ZNF169: variants seen among roughly 807,000 people sequenced by gnomAD.
The protein encoded by ZNF169 is zinc finger protein 169.
A neutral mutation model predicts 12.0 loss-of-function variants in ZNF169; 11 were observed. The observed-to-expected ratio is 0.92, with a 90% CI of 0.58 to 1.52. The LOEUF is 1.52. Ranked by LOEUF, ZNF169 falls within the 40% of genes most tolerant of loss-of-function variation. The pLI, the probability that ZNF169 is intolerant of heterozygous loss-of-function variation, is 0.00. For missense variants in ZNF169, 722 were observed against 744.0 expected, an observed-to-expected ratio of 0.97 and a Z score of 0.34; for synonymous variants, 302 against 286.5, an observed-to-expected ratio of 1.05 and a Z score of -0.55.
At chr9:94,291,927 C>G (rs963901391) in intron 2 of ZNF169, among the ~76,000 whole-genome samples, 1 of 152,146 alleles carries the variant, frequency 6.6e-6, no homozygotes, top group African/African-American at 2.4e-5. Context: ...TAATGGGAAT[C>G]CTATCAAAAT....
At chr9:94,266,503 A>G (rs1830296518) in intron 1 of ZNF169, among the ~76,000 whole-genome samples, 1 of 152,232 alleles carries the variant, frequency 6.6e-6, no homozygotes, top group African/African-American at 2.4e-5. Context: ...GTAGTGTGCA[A>G]CAGCAACACA....
intron 4 of ZNF169, among the ~76,000 whole-genome samples, chr9:94,298,113 G>T (rs182208274): frequency 6.6e-6 from 1 of 151,560 alleles, no homozygotes; most frequent in South Asian, 2.1e-4. Context: ...GTTGCAGTGG[G>T]CTGAGATAGT....
chr9:94,262,650 G>A (rs1425659792), intron 1 of ZNF169, among the ~76,000 whole-genome samples: 1 of 151,942 alleles, frequency 6.6e-6, no homozygotes, highest in East Asian at 1.9e-4. Context: ...TAATAGAGAC[G>A]GGGTTTTACC....
intron 1 of ZNF169, among the ~76,000 whole-genome samples, chr9:94,277,943 GAAA>G (rs1389356323): frequency 1.8e-5 from 2 of 114,090 alleles, no homozygotes; most frequent in Admixed American, 8.3e-5. Context: ...AAAAAAAAAA[GAAA>G]AAAGAAAAAT....
At chr9:94,288,470 T>C in intron 2 of ZNF169, 1 of 938,336 alleles carries the variant, frequency 1.1e-6, no homozygotes, top group Non-Finnish European at 1.7e-6. Context: ...AAATCAAGCT[T>C]TATTAAGCCA....
At chr9:94,295,537 A>G (rs551798266) in intron 4 of ZNF169, 5 of 152,266 alleles carry the variant, frequency 3.3e-5, no homozygotes, top group African/African-American at 1.2e-4. Context: ...CTTTCGCCTT[A>G]CTGTAATCCT....
chr9:94,299,475 A>G (rs1204205371), intron 4 of ZNF169: 3 of 1,193,360 alleles, frequency 2.5e-6, no homozygotes, highest in Non-Finnish European at 3.2e-6. Flanking sequence ...TGGCTCTTGC[A>G]TAAACAGCAG....
chr9:94,300,901 A>G lies in ZNF169; in HGVS notation c.1343A>G (p.His448Arg), dbSNP rs756369905. 3 of 1,613,912 alleles carry G rather than the reference A, an allele frequency of 1.9e-6. No individual in the cohort carries two copies. The highest frequency in any genetic ancestry group is 2.5e-6 in the Non-Finnish European group (3 of 1,179,952). The change falls in exon 5 of 5, where the codon CAC (histidine) becomes CGC (arginine). Residue 448 changes from histidine (H) to arginine (R), a missense_variant. By Grantham distance (29) the His-to-Arg change is conservative. Coordinates refer to ENST00000395395, the MANE Select transcript of ZNF169 (RefSeq NM_194320.4). ...GFSQKVTLIG[H>R]QRTHTGEKPY... ...AGCCAGAAGGTCACCCTCATTGGAC[A>G]CCAGAGGACACACACAGGGGAGAAG... is the stretch of plus-strand genomic sequence containing the variant.
chr9:94,268,807 CAA>C (rs1354401211), intron 1 of ZNF169, among the ~76,000 whole-genome samples: 3 of 139,528 alleles, frequency 2.2e-5, no homozygotes, highest in African/African-American at 8.3e-5. Flanking sequence ...AAAAAATTTC[CAA>C]AGACATTTCT....
chr9:94,293,787 G>T (rs12347725), intron 4 of ZNF169: 11,346 of 152,460 alleles, frequency 0.074, 580 homozygotes, highest in Middle Eastern at 0.13. Context: ...TCATAACTTT[G>T]TTTCTTTTAT....
chr9:94,292,900 T>A, intron 3 of ZNF169, 74 bp from the exon 4 acceptor site: 1 of 1,314,310 alleles, frequency 7.6e-7, no homozygotes, highest in Non-Finnish European at 1.1e-6. Context: ...CATTCCTGGG[T>A]TGGCTCTGAG....
chr9:94,301,364 C>A lies in ZNF169; in HGVS notation c.1806C>A (p.Val602=). ...GTCATCAGCTCCTACCCCAAGAGGTCTTCTGACCTTTCCTTTCCCCGTGAG... is the reference window on the plus strand; with the variant it reads ...GTCATCAGCTCCTACCCCAAGAGGTATTCTGACCTTTCCTTTCCCCGTGAG... The part of the protein sequence containing the change: ...KSGHQLLPQE[V]F The change falls in exon 5 of 5, where the codon GTC becomes GTA. Residue 602 remains valine, a synonymous_variant. Coordinates refer to ENST00000395395, the MANE Select transcript of ZNF169 (RefSeq NM_194320.4). The A allele has an allele frequency of 6.2e-7, 1 of 1,602,146 alleles. No homozygotes were observed. The highest frequency in any genetic ancestry group is 1.1e-5 in the South Asian group (1 of 90,414).
At chr9:94,295,708 T>C (rs1830936319) in intron 4 of ZNF169, 2 of 152,252 alleles carry the variant, frequency 1.3e-5, no homozygotes, top group South Asian at 4.1e-4. Flanking sequence ...TTATCTATAA[T>C]GTGTGTATCA....
chr9:94,281,587 A>T (rs1830632312), intron 2 of ZNF169, among the ~76,000 whole-genome samples: 1 of 152,230 alleles, frequency 6.6e-6, no homozygotes, highest in African/African-American at 2.4e-5. Context: ...ATGAGTGACC[A>T]TGGCCCATGA....
chr9:94,295,604 A>G (rs568185241), intron 4 of ZNF169: 1 of 152,306 alleles, frequency 6.6e-6, no homozygotes, highest in South Asian at 2.1e-4. Flanking sequence ...TCAGCTTTCT[A>G]TAATTATAGA....
At chr9:94,287,346 A>G (rs1830735390) in intron 2 of ZNF169, among the ~76,000 whole-genome samples, 2 of 149,216 alleles carry the variant, frequency 1.3e-5, no homozygotes, top group African/African-American at 2.4e-5. Flanking sequence ...GAAGGTTGCT[A>G]TACTGCAAAA....
chr9:94,264,007 G>A (rs1209539691), intron 1 of ZNF169, among the ~76,000 whole-genome samples: 1 of 151,990 alleles, frequency 6.6e-6, no homozygotes, highest in African/African-American at 2.4e-5. Context: ...TGTAAAATGA[G>A]GGCTCTTGTA....
intron 4 of ZNF169, among the ~76,000 whole-genome samples, chr9:94,298,188 C>G (rs1219545013): frequency 6.6e-6 from 1 of 150,922 alleles, no homozygotes; most frequent in African/African-American, 2.4e-5. Context: ...AAAATTTGTT[C>G]AAGGAGACTC....
intron 2 of ZNF169, among the ~76,000 whole-genome samples, chr9:94,291,579 GA>G (rs1313979228): frequency 6.6e-6 from 1 of 152,160 alleles, no homozygotes; most frequent in East Asian, 1.9e-4. Context: ...CTCAAGGAAC[GA>G]AGGGAAAAAA....
Sources: gnomAD v4.1 joint callset for allele counts (sites outside exome capture counted in the v4.1 genomes callset) on GRCh38, gnomAD v4.1.1 for gene constraint, MANE v1.5 for transcripts, NCBI Gene and HGNC (gene_info 2026-07-23, HGNC 2026-07-21) for gene names.